The following TACR3 variants were observed in gnomAD, a reference collection of about 807,000 sequenced individuals.
TACR3 encodes the protein tachykinin receptor 3, also known as neuromedin-K receptor.
TACR3 carries 34 observed loss-of-function variants against 35.0 expected under a neutral mutation model. The ratio of observed to expected loss-of-function variants is 0.97; its 90% CI spans 0.74 to 1.30. The LOEUF is 1.30. Among genes scored for constraint, TACR3 ranks in the 50% most tolerant of loss-of-function variants. The probability of loss-of-function intolerance (pLI) is 0.00; values close to 1 mark genes in which losing one functional copy is unlikely to be tolerated. For missense variants in TACR3, 558 were observed against 591.7 expected, an observed-to-expected ratio of 0.94 and a Z score of 0.59; for synonymous variants, 233 against 221.1, an observed-to-expected ratio of 1.05 and a Z score of -0.48.
At position 103,643,359 on chromosome 4, in the gene TACR3, T is replaced by C. The variant is rs151248966; in HGVS notation, c.888+12835A>G. On this transcript the variant is annotated intron_variant, in intron 3 of 4. Transcript: ENST00000304883. Reference sequence around the variant, plus strand: ...GAGTAAATCAGGATGTAGAATGGAATGATAAGCAGGAAATTTCAGTAGGGG... The same window carrying C: ...GAGTAAATCAGGATGTAGAATGGAACGATAAGCAGGAAATTTCAGTAGGGG... 5.8e-4 allele frequency among the ~76,000 whole-genome samples: 88 copies of C among 151,210 alleles called. 1 individual carries two copies. The highest frequency in any genetic ancestry group is 9.3e-4 in the Non-Finnish European group (63 of 67,670).
intron 3 of TACR3, among the ~76,000 whole-genome samples, chr4:103,599,341 G>C (rs371014375): frequency 6.6e-6 from 1 of 152,124 alleles, no homozygotes; most frequent in Non-Finnish European, 1.5e-5. Context: ...TTATCAGCTT[G>C]AGGAGATTTT....
At chr4:103,593,551 C>G (rs1168268400) in intron 3 of TACR3, 2 of 152,094 alleles carry the variant, frequency 1.3e-5, no homozygotes, top group Non-Finnish European at 2.9e-5. Context: ...GGATATTAGA[C>G]TAAATGAAAT....
chr4:103,601,877 T>A (rs528664230), intron 3 of TACR3, among the ~76,000 whole-genome samples: 1 of 152,280 alleles, frequency 6.6e-6, no homozygotes, highest in Admixed American at 6.5e-5. Flanking sequence ...TAGTTGCTAT[T>A]CTTGAGGAGT....
At chr4:103,642,212 T>TTATA (rs1411172248) in intron 3 of TACR3, among the ~76,000 whole-genome samples, 7 of 150,172 alleles carry the variant, frequency 4.7e-5, no homozygotes, top group Non-Finnish European at 1.0e-4. Context: ...ATATACATAT[T>TTATA]TATATATATA....
At chr4:103,639,560 G>T (rs188851874) in intron 3 of TACR3, among the ~76,000 whole-genome samples, 2 of 151,898 alleles carry the variant, frequency 1.3e-5, no homozygotes, top group Non-Finnish European at 2.9e-5. Context: ...CCTGCACGTT[G>T]TGCACATGTA....
chr4:103,714,267 C>T (rs2110233108), intron 1 of TACR3, among the ~76,000 whole-genome samples: 1 of 152,130 alleles, frequency 6.6e-6, no homozygotes, highest in Non-Finnish European at 1.5e-5. Flanking sequence ...TTGATATCAG[C>T]CGGAGTTCAG....
intron 1 of TACR3, among the ~76,000 whole-genome samples, chr4:103,705,424 T>G (rs1722765746): frequency 1.3e-5 from 2 of 152,172 alleles, no homozygotes; most frequent in African/African-American, 2.4e-5. Context: ...ATCCTTACTA[T>G]GTTCAAACCA....
intron 1 of TACR3, among the ~76,000 whole-genome samples, chr4:103,686,919 C>T (rs1164426544): frequency 6.6e-6 from 1 of 152,072 alleles, no homozygotes; most frequent in East Asian, 1.9e-4. Flanking sequence ...ATCCTGATAC[C>T]AAAGCTGGGC....
At chr4:103,628,647 G>A (rs1340095756) in intron 3 of TACR3, among the ~76,000 whole-genome samples, 1 of 152,130 alleles carries the variant, frequency 6.6e-6, no homozygotes, top group Non-Finnish European at 1.5e-5. Flanking sequence ...TGAAATTGAG[G>A]CAATAATTAA....
intron 3 of TACR3, among the ~76,000 whole-genome samples, chr4:103,599,118 CTT>C (rs1222553708): frequency 2.6e-5 from 4 of 152,152 alleles, no homozygotes; most frequent in Admixed American, 2.6e-4. Context: ...TTTGTATCCT[CTT>C]TTATTTCACT....
In TACR3 at chr4:103,591,670, A is replaced by G; in HGVS notation, c.902T>C (p.Met301Thr). The G allele has an allele frequency of 6.2e-7, 1 of 1,612,926 alleles. No homozygotes were observed. Among genetic ancestry groups the G allele is most frequent in the Non-Finnish European group, 8.5e-7 (1 of 1,179,562 alleles). The change falls in exon 4 of 5, where the codon ATG becomes ACG. Residue 301 changes from methionine (M) to threonine (T), a missense_variant. Physicochemically the swap from Met to Thr is moderately conservative, Grantham distance 81. Coordinates refer to ENST00000304883, the MANE Select transcript of TACR3 (RefSeq NM_001059.3). ...LKAKRKVVKMMIIVVMTFAIC... is the reference protein window; with the variant it reads ...LKAKRKVVKMTIIVVMTFAIC... ...AGCAAATGTCATGACAACAATAATC[A>G]TCATTTTGACAACCTATAAAGAAAA...
At chr4:103,626,097 T>C (rs1278099044) in intron 3 of TACR3, among the ~76,000 whole-genome samples, 1 of 152,216 alleles carries the variant, frequency 6.6e-6, no homozygotes. Context: ...CAGTCTGTGA[T>C]ACTTTGTTAT....
intron 2 of TACR3, 98 bp downstream of exon 2, chr4:103,658,116 TG>T: frequency 8.4e-7 from 1 of 1,194,184 alleles, no homozygotes; most frequent in African/African-American, 1.5e-5. Context: ...GTATGAACCC[TG>T]GGGGAAATGT....
At chr4:103,691,546 C>G (rs975905002) in intron 1 of TACR3, among the ~76,000 whole-genome samples, 1 of 152,060 alleles carries the variant, frequency 6.6e-6, no homozygotes, top group Non-Finnish European at 1.5e-5. Flanking sequence ...ATGAACTATC[C>G]ATGCATTAAA....
rs556378211 is a variant in TACR3, at chr4:103,603,141, C to T, written c.889-11458G>A. On this transcript the variant is annotated intron_variant, in intron 3 of 4. Transcript: ENST00000304883. ...TCGCTGCCACCTTGCAGTTTGATCT[C>T]GGACTGCTGTGCTAGCAATGAGCAA... Among the ~76,000 whole-genome samples the T allele has an allele frequency of 5.3e-5, 8 of 152,210 alleles. No homozygotes were observed. The East Asian group carries it at 7.7e-4, about 15-fold the overall frequency.
intron 1 of TACR3, among the ~76,000 whole-genome samples, chr4:103,692,584 C>A (rs148234794): frequency 5.3e-5 from 8 of 152,114 alleles, no homozygotes; most frequent in African/African-American, 1.9e-4. Flanking sequence ...TTAAGAGGAG[C>A]GTTTCATCAC....
At chr4:103,671,259 AGT>A (rs573658967) in intron 1 of TACR3, among the ~76,000 whole-genome samples, 255 of 151,816 alleles carry the variant, frequency 1.7e-3, no homozygotes, top group African/African-American at 5.9e-3. Flanking sequence ...TTCTTGTGGT[AGT>A]GTCTCTGCCT....
intron 3 of TACR3, among the ~76,000 whole-genome samples, chr4:103,629,124 T>C (rs974396703): frequency 6.6e-6 from 1 of 152,164 alleles, no homozygotes; most frequent in African/African-American, 2.4e-5. Context: ...AAACTAGGTA[T>C]TGATGGAATG....
At chr4:103,691,252 A>G (rs951858105) in intron 1 of TACR3, among the ~76,000 whole-genome samples, 2 of 152,210 alleles carry the variant, frequency 1.3e-5, no homozygotes, top group African/African-American at 4.8e-5. Flanking sequence ...ATACAGTGGA[A>G]TACCCTCAGG....
Sources: gnomAD v4.1 joint callset for allele counts (sites outside exome capture counted in the v4.1 genomes callset) on GRCh38, gnomAD v4.1.1 for gene constraint, MANE v1.5 for transcripts, NCBI Gene and HGNC (gene_info 2026-07-23, HGNC 2026-07-21) for gene names.